The following ATRNL1 variants were observed in gnomAD, a reference collection of about 807,000 sequenced individuals.
The protein encoded by ATRNL1 is attractin-like protein 1.
ATRNL1 carries 95 observed loss-of-function variants against 182.7 expected under a neutral mutation model. The ratio of observed to expected loss-of-function variants is 0.52; its 90% CI spans 0.44 to 0.62. ATRNL1 has a LOEUF of 0.62. ATRNL1 is among the 20% of genes least tolerant of loss of function. The pLI is 0.00. For missense variants in ATRNL1, 1,471 were observed against 1,679.5 expected (o/e 0.88, Z 2.17); for synonymous variants, 576 against 568.3 (o/e 1.01, Z -0.19).
chr10:115,481,355 T>A (rs1177948326), intron 24 of ATRNL1, among the ~76,000 whole-genome samples: 1 of 150,836 alleles, frequency 6.6e-6, no homozygotes, highest in African/African-American at 2.4e-5. Context: ...TTTTAGAAAA[T>A]TATTTCTTTT....
At chr10:115,725,431 A>G (rs10885794) in intron 26 of ATRNL1, among the ~76,000 whole-genome samples, 56,172 of 151,954 alleles carry the variant, frequency 0.37, 11,221 homozygotes, top group East Asian at 0.59. Context: ...TATTTTGTAG[A>G]CCTTATACTT....
intron 26 of ATRNL1, among the ~76,000 whole-genome samples, chr10:115,694,932 T>G (rs4751561): frequency 7.1e-6 from 1 of 139,946 alleles, no homozygotes; most frequent in East Asian, 2.1e-4. Flanking sequence ...CACACACACA[T>G]GCACACACGC....
intron 26 of ATRNL1, among the ~76,000 whole-genome samples, chr10:115,656,620 TATGAATGA>T (rs559799732): frequency 6.6e-6 from 1 of 152,132 alleles, no homozygotes; most frequent in African/African-American, 2.4e-5. Context: ...TTGGTTCGAA[TATGAATGA>T]ATGAATGAAT....
At chr10:115,741,961 C>T (rs1346697771) in intron 27 of ATRNL1, among the ~76,000 whole-genome samples, 1 of 152,112 alleles carries the variant, frequency 6.6e-6, no homozygotes, top group Non-Finnish European at 1.5e-5. Context: ...AATAAGACTG[C>T]ATGCCAAGAA....
chr10:115,570,257 T>C (rs1555003089), intron 26 of ATRNL1, among the ~76,000 whole-genome samples: 2 of 152,178 alleles, frequency 1.3e-5, no homozygotes, highest in African/African-American at 4.8e-5. Flanking sequence ...CCACCACACC[T>C]GGCCTCTGCC....
chr10:115,886,054 G>A (rs1565461264), intron 28 of ATRNL1, among the ~76,000 whole-genome samples: 1 of 152,152 alleles, frequency 6.6e-6, no homozygotes, highest in African/African-American at 2.4e-5. Context: ...ATTGTTGTGA[G>A]CTGATGAGAA....
chr10:115,701,397 C>T (rs1379532349), intron 26 of ATRNL1, among the ~76,000 whole-genome samples: 1 of 151,680 alleles, frequency 6.6e-6, no homozygotes, highest in Non-Finnish European at 1.5e-5. Flanking sequence ...GCTAGAGGAA[C>T]TAGAAAAACA....
At chr10:115,123,898 G>C (rs1554872520) in intron 3 of ATRNL1, among the ~76,000 whole-genome samples, 1 of 151,832 alleles carries the variant, frequency 6.6e-6, no homozygotes, top group East Asian at 1.9e-4. Flanking sequence ...CATTCCTTAT[G>C]AGGTTCTAAT....
At chr10:115,279,100 G>A (rs948279554) in intron 13 of ATRNL1, among the ~76,000 whole-genome samples, 1 of 151,856 alleles carries the variant, frequency 6.6e-6, no homozygotes, top group African/African-American at 2.4e-5. Context: ...TACTCGGGAG[G>A]GTGAGGCAGG....
chr10:115,433,279 C>T (rs1846251075), intron 21 of ATRNL1, among the ~76,000 whole-genome samples: 1 of 151,982 alleles, frequency 6.6e-6, no homozygotes, highest in Non-Finnish European at 1.5e-5. Flanking sequence ...AACAATGAAA[C>T]CAATTAATAC....
intron 28 of ATRNL1, among the ~76,000 whole-genome samples, chr10:115,892,832 A>G (rs1165837638): frequency 6.6e-6 from 1 of 152,224 alleles, no homozygotes; most frequent in Non-Finnish European, 1.5e-5. Flanking sequence ...TGTAACTCTA[A>G]TTATATTTGT....
chr10:115,149,753 G>T (rs140247244), intron 5 of ATRNL1, among the ~76,000 whole-genome samples: 193 of 151,756 alleles, frequency 1.3e-3, no homozygotes, highest in African/African-American at 4.3e-3. Context: ...GAGTATCTTT[G>T]CATCTGTATT....
At chr10:115,209,427 T>G (rs1013885461) in intron 8 of ATRNL1, among the ~76,000 whole-genome samples, 1 of 150,090 alleles carries the variant, frequency 6.7e-6, no homozygotes, top group East Asian at 2.0e-4. Flanking sequence ...ATTTTGTTTT[T>G]TTTTTTTTCT....
chr10:115,529,374 T>C (rs1214544574), intron 25 of ATRNL1, among the ~76,000 whole-genome samples: 1 of 151,916 alleles, frequency 6.6e-6, no homozygotes, highest in East Asian at 1.9e-4. Flanking sequence ...TGTATGTTTC[T>C]TTTATACCAA....
chr10:115,443,345 C>T (rs1846792358), intron 21 of ATRNL1, among the ~76,000 whole-genome samples: 1 of 151,950 alleles, frequency 6.6e-6, no homozygotes, highest in African/African-American at 2.4e-5. Context: ...TTCATCCTTT[C>T]AGTCTGTGGG....
intron 10 of ATRNL1, among the ~76,000 whole-genome samples, chr10:115,258,490 G>A (rs1278442807): frequency 6.6e-6 from 1 of 151,844 alleles, no homozygotes; most frequent in Non-Finnish European, 1.5e-5. Context: ...TCTCTACACT[G>A]TTTATCCTAG....
intron 10 of ATRNL1, among the ~76,000 whole-genome samples, chr10:115,245,499 C>CAA (rs35541977): frequency 5.5e-4 from 40 of 72,846 alleles, no homozygotes; most frequent in East Asian, 1.8e-3. Flanking sequence ...CACTCCGTCT[C>CAA]AAAAAAAAAA....
chr10:115,690,381 C>T (rs1946351970), intron 26 of ATRNL1, among the ~76,000 whole-genome samples: 1 of 152,072 alleles, frequency 6.6e-6, no homozygotes, highest in Non-Finnish European at 1.5e-5. Flanking sequence ...ACCTGGATCC[C>T]TCAAAGGCAC....
At chr10:115,693,112 T>C (rs1946445018) in intron 26 of ATRNL1, among the ~76,000 whole-genome samples, 1 of 152,122 alleles carries the variant, frequency 6.6e-6, no homozygotes, top group Non-Finnish European at 1.5e-5. Flanking sequence ...TGTAACAGAA[T>C]AAAAAGGGAA....
Sources: allele counts gnomAD v4.1 joint callset (sites outside exome capture counted in the v4.1 genomes callset), GRCh38; gene constraint gnomAD v4.1.1; transcripts MANE v1.5; gene names NCBI Gene and HGNC (gene_info 2026-07-23, HGNC 2026-07-21).